Variants in SCAPER observed in about 807,000 individuals in gnomAD.
SCAPER encodes S phase cyclin A-associated protein in the endoplasmic reticulum.
A neutral mutation model predicts 182.2 loss-of-function variants in SCAPER; 98 were observed. The observed-to-expected ratio is 0.54, with a 90% CI of 0.46 to 0.64. The LOEUF (loss-of-function observed/expected upper bound fraction) is 0.64, where lower values mean the gene tolerates loss of function less well. Among genes scored for constraint, SCAPER ranks in the 30% least tolerant of loss-of-function variants. The probability of loss-of-function intolerance (pLI) is 0.00; values close to 1 mark genes in which losing one functional copy is unlikely to be tolerated. For synonymous variants in SCAPER, 605 were observed against 564.6 expected (o/e 1.07, Z -1.01); for missense variants, 1,432 against 1,690.0 (o/e 0.85, Z 2.68).
chr15:76,776,831 C>T (rs2063774729), intron 8 of SCAPER, among the ~76,000 whole-genome samples: 2 of 152,082 alleles, frequency 1.3e-5, no homozygotes, highest in African/African-American at 4.8e-5. Flanking sequence ...CAAGAACAAT[C>T]TCAGAACCTG....
intron 23 of SCAPER, among the ~76,000 whole-genome samples, chr15:76,538,498 T>C (rs1010508495): frequency 6.6e-6 from 1 of 151,980 alleles, no homozygotes; most frequent in Non-Finnish European, 1.5e-5. Context: ...TTCTCATTCA[T>C]AGATGGGAAT....
chr15:76,538,765 G>C (rs1400533533), intron 23 of SCAPER, among the ~76,000 whole-genome samples: 1 of 152,004 alleles, frequency 6.6e-6, no homozygotes, highest in African/African-American at 2.4e-5. Context: ...TATCGATCAT[G>C]CCTAGTTTTA....
intron 26 of SCAPER, among the ~76,000 whole-genome samples, chr15:76,415,052 T>TA (rs1048967071): frequency 6.6e-6 from 1 of 152,114 alleles, no homozygotes; most frequent in Non-Finnish European, 1.5e-5. Context: ...ATGCTCAACC[T>TA]CACTAGTGAT....
At chr15:76,825,910 A>G (rs929925504) in intron 5 of SCAPER, among the ~76,000 whole-genome samples, 1 of 152,054 alleles carries the variant, frequency 6.6e-6, no homozygotes, top group African/African-American at 2.4e-5. Flanking sequence ...ACGCCCAGCT[A>G]ATTTTTGTAT....
chr15:76,689,732 A>G (rs1012260067), intron 20 of SCAPER, among the ~76,000 whole-genome samples: 5 of 151,864 alleles, frequency 3.3e-5, no homozygotes, highest in Non-Finnish European at 5.9e-5. Flanking sequence ...GGCTGATTCT[A>G]GGGCTAGAAA....
intron 2 of SCAPER, among the ~76,000 whole-genome samples, chr15:76,875,621 G>C (rs1409535441): frequency 6.6e-6 from 1 of 152,184 alleles, no homozygotes; most frequent in Non-Finnish European, 1.5e-5. Context: ...GTGGGTTCTT[G>C]GTCTCACTGA....
At chr15:76,666,678 G>C (rs909575317) in intron 20 of SCAPER, among the ~76,000 whole-genome samples, 1 of 152,168 alleles carries the variant, frequency 6.6e-6, no homozygotes, top group Non-Finnish European at 1.5e-5. Context: ...CACTTGCCTT[G>C]CTAAAAATTA....
chr15:76,890,244 C>T (rs1471230016), intron 1 of SCAPER, among the ~76,000 whole-genome samples: 3 of 152,144 alleles, frequency 2.0e-5, no homozygotes, highest in South Asian at 4.1e-4. Context: ...ACCCTAACAA[C>T]ACAATTAAAA....
At chr15:76,359,249 A>G (rs1047484334) in intron 29 of SCAPER, among the ~76,000 whole-genome samples, 1 of 151,594 alleles carries the variant, frequency 6.6e-6, no homozygotes, top group Non-Finnish European at 1.5e-5. Context: ...ACTACTCTTC[A>G]GAGCACAGGG....
chr15:76,889,520 T>C (rs1173372663), intron 1 of SCAPER, among the ~76,000 whole-genome samples: 2 of 152,102 alleles, frequency 1.3e-5, no homozygotes, highest in East Asian at 3.9e-4. Flanking sequence ...GGGGTCGCAA[T>C]TCTAATCTCT....
chr15:76,413,169 G>A (rs899399111), intron 26 of SCAPER, among the ~76,000 whole-genome samples: 1 of 151,990 alleles, frequency 6.6e-6, no homozygotes, highest in African/African-American at 2.4e-5. Flanking sequence ...GCAATCATGA[G>A]ACTGCAAATA....
At chr15:76,437,719 A>C (rs1252253410) in intron 25 of SCAPER, among the ~76,000 whole-genome samples, 1 of 152,228 alleles carries the variant, frequency 6.6e-6, no homozygotes, top group Non-Finnish European at 1.5e-5. Context: ...TCATTTATCT[A>C]GAAGTTTTTT....
At chr15:76,714,171 T>G (rs977188295) in intron 17 of SCAPER, among the ~76,000 whole-genome samples, 1 of 151,876 alleles carries the variant, frequency 6.6e-6, no homozygotes, top group African/African-American at 2.4e-5. Flanking sequence ...GGGCTGAGGA[T>G]AGAGAAAAGA....
chr15:76,657,356 T>C (rs1229865409), intron 21 of SCAPER, among the ~76,000 whole-genome samples: 2 of 151,694 alleles, frequency 1.3e-5, no homozygotes, highest in African/African-American at 2.4e-5. Flanking sequence ...GAGGAAGAAA[T>C]TGCAATCCTA....
At chr15:76,406,875 T>C (rs926082657) in intron 26 of SCAPER, among the ~76,000 whole-genome samples, 15 of 152,156 alleles carry the variant, frequency 9.9e-5, no homozygotes, top group African/African-American at 3.6e-4. Flanking sequence ...ATCTTGGCCA[T>C]AATGACTGGT....
chr15:76,894,068 T>C (rs1220511479), intron 1 of SCAPER, among the ~76,000 whole-genome samples: 2 of 152,082 alleles, frequency 1.3e-5, no homozygotes, highest in African/African-American at 4.8e-5. Flanking sequence ...CTGGCCAACA[T>C]GGTGAAACCC....
chr15:76,779,472 C>A (rs1282837721), intron 8 of SCAPER, among the ~76,000 whole-genome samples: 1 of 152,042 alleles, frequency 6.6e-6, no homozygotes, highest in Non-Finnish European at 1.5e-5. Flanking sequence ...CCCACCAAAA[C>A]CACTAGCTAC....
chr15:76,798,285 A>T (rs1276817303), intron 7 of SCAPER, among the ~76,000 whole-genome samples: 12 of 151,710 alleles, frequency 7.9e-5, no homozygotes, highest in Admixed American at 5.9e-4. Flanking sequence ...GCTTGAACCC[A>T]GGAGGTAGAC....
chr15:76,493,866 C>A (rs927153768), intron 24 of SCAPER, among the ~76,000 whole-genome samples: 3 of 152,066 alleles, frequency 2.0e-5, no homozygotes, highest in Non-Finnish European at 4.4e-5. Context: ...AAACAAAATG[C>A]CTCAATATGT....
Sources: gnomAD v4.1 joint callset for allele counts (sites outside exome capture counted in the v4.1 genomes callset) on GRCh38, gnomAD v4.1.1 for gene constraint, MANE v1.5 for transcripts, NCBI Gene and HGNC (gene_info 2026-07-23, HGNC 2026-07-21) for gene names.